ZNF107: variants seen among roughly 807,000 people sequenced by gnomAD.
The protein encoded by ZNF107 is zinc finger protein 107.
A neutral mutation model predicts 12.3 loss-of-function variants in ZNF107; 19 were observed. That is an observed-to-expected ratio of 1.55 (90% CI 1.08 to 2.27). The LOEUF (loss-of-function observed/expected upper bound fraction) is 2.27. Ranked by LOEUF, ZNF107 falls within the 30% of genes most tolerant of loss-of-function variation. The pLI is 0.00. For missense variants in ZNF107, 958 were observed against 979.9 expected (o/e 0.98, Z 0.30); for synonymous variants, 317 against 330.5 (o/e 0.96, Z 0.44).
chr7:64,703,878 T>G (rs1317755278), intron 3 of ZNF107, among the ~76,000 whole-genome samples: 3 of 152,132 alleles, frequency 2.0e-5, no homozygotes, highest in African/African-American at 7.2e-5. Flanking sequence ...TCTTTCTTCC[T>G]TTGTGTCTTT....
Position 64,708,305 on chromosome 7 carries a change from A to G in ZNF107, c.2208A>G (p.Lys736=). The change falls in exon 4 of 4, where the codon AAA becomes AAG. Residue 736 remains lysine (K), a synonymous_variant. Coordinates refer to ENST00000620827, the MANE Select transcript of ZNF107 (RefSeq NM_001282359.2). ...IHTGEKPYKC[K]ECGKAFNLSS... ...CTGGAGAGAAACCTTACAAATGTAA[A>G]GAATGTGGCAAAGCTTTTAACCTAT... 1 of 1,613,598 alleles carries G rather than the reference A, an allele frequency of 6.2e-7. No individual in the cohort carries two copies. Among genetic ancestry groups the G allele is most frequent in the South Asian group, 1.1e-5 (1 of 91,052 alleles).
At chr7:64,678,093 T>C (rs549964208) in intron 1 of ZNF107, among the ~76,000 whole-genome samples, 30 of 152,346 alleles carry the variant, frequency 2.0e-4, no homozygotes, top group African/African-American at 6.5e-4. Flanking sequence ...TTTTGGTCAT[T>C]GTTCTTGATT....
chr7:64,678,384 CAG>C (rs1789509792), intron 1 of ZNF107, among the ~76,000 whole-genome samples: 1 of 152,184 alleles, frequency 6.6e-6, no homozygotes, highest in South Asian at 2.1e-4. Context: ...AAGCGAGGTT[CAG>C]TGTATGAACC....
intron 3 of ZNF107, among the ~76,000 whole-genome samples, chr7:64,696,814 TA>T (rs1263890790): frequency 3.3e-5 from 5 of 152,128 alleles, no homozygotes; most frequent in Non-Finnish European, 7.3e-5. Context: ...TTTATTTATT[TA>T]TTTATTTTTT....
In ZNF107 at chr7:64,709,074, A is replaced by T; in HGVS notation, c.*418A>T. The stretch of plus-strand genomic sequence containing the variant: ...TTGTGAAGAATGTGGCAAAGCTTTT[A>T]ACCAATCCTCATACCTTACTATACA... On this transcript the variant is annotated 3_prime_UTR_variant, in exon 4 of 4. Transcript: ENST00000620827. The T allele has an allele frequency of 2.2e-6, 1 of 463,842 alleles. No individual in the cohort carries two copies. 28.7% of individuals were successfully genotyped at this position (463,842 alleles called of 1,614,324 possible). A position where few individuals can be genotyped will look rare whatever the true frequency, so the allele number is the denominator to read the frequency against.
chr7:64,670,917 G>C (rs1173943380), intron 1 of ZNF107, among the ~76,000 whole-genome samples: 1 of 152,172 alleles, frequency 6.6e-6, no homozygotes, highest in Non-Finnish European at 1.5e-5. Flanking sequence ...AGCACTGATA[G>C]GCCCGTATGG....
In ZNF107 at chr7:64,693,434, A is replaced by C. The variant is rs145623430; in HGVS notation, c.226+1474A>C. ...GTGTCTGTGAATTTGAAAGAGCAAA[A>C]ACCTCTTTAAGTTTTTATAAACTAA... is the stretch of plus-strand genomic sequence containing the variant. On this transcript the variant is annotated intron_variant, in intron 3 of 3. Coordinates refer to ENST00000620827, the MANE Select transcript of ZNF107 (RefSeq NM_001282359.2). Among the ~76,000 whole-genome samples, 10 of 151,840 alleles carry C rather than the reference A, an allele frequency of 6.6e-5. No individual in the cohort carries two copies. In the East Asian group the frequency reaches 1.4e-3, roughly 21 times the overall value.
chr7:64,685,376 G>A (rs1239214037), intron 1 of ZNF107, among the ~76,000 whole-genome samples: 2 of 152,042 alleles, frequency 1.3e-5, no homozygotes, highest in Non-Finnish European at 2.9e-5. Context: ...CAGCCTGTCC[G>A]CTTCTCAAAG....
intron 3 of ZNF107, among the ~76,000 whole-genome samples, chr7:64,693,109 C>T (rs1428601354): frequency 6.6e-6 from 1 of 151,598 alleles, no homozygotes; most frequent in Non-Finnish European, 1.5e-5. Context: ...CACCATTCTC[C>T]TGCCTCAGCC....
At chr7:64,697,937 C>T (rs1790349583) in intron 3 of ZNF107, among the ~76,000 whole-genome samples, 1 of 152,136 alleles carries the variant, frequency 6.6e-6, no homozygotes, top group Non-Finnish European at 1.5e-5. Flanking sequence ...ACCTCGGCCT[C>T]CCAAAGTGCT....
intron 1 of ZNF107, among the ~76,000 whole-genome samples, chr7:64,672,772 A>G (rs573973340): frequency 1.3e-5 from 2 of 152,326 alleles, no homozygotes; most frequent in East Asian, 3.9e-4. Flanking sequence ...TGTCTCTGTG[A>G]TAGAATAATT....
intron 3 of ZNF107, among the ~76,000 whole-genome samples, chr7:64,695,910 T>C (rs1053084794): frequency 5.9e-5 from 9 of 152,192 alleles, no homozygotes; most frequent in African/African-American, 2.2e-4. Context: ...ACATAAAATA[T>C]ACAGTTTTAA....
chr7:64,702,224 C>T (rs561881756), intron 3 of ZNF107, among the ~76,000 whole-genome samples: 43 of 152,050 alleles, frequency 2.8e-4, no homozygotes, highest in Admixed American at 1.2e-3. Flanking sequence ...TCTCGGCTCA[C>T]TGCAACCTCC....
chr7:64,672,838 T>C (rs1399022589), intron 1 of ZNF107, among the ~76,000 whole-genome samples: 1 of 152,224 alleles, frequency 6.6e-6, no homozygotes, highest in African/African-American at 2.4e-5. Flanking sequence ...ATGGTAATTC[T>C]GTTTCTAGTT....
chr7:64,694,194 C>T (rs1427995449), intron 3 of ZNF107, among the ~76,000 whole-genome samples: 2 of 152,222 alleles, frequency 1.3e-5, no homozygotes, highest in Non-Finnish European at 2.9e-5. Flanking sequence ...CCAAGGTCTG[C>T]AGGCCTGCCT....
chr7:64,685,857 C>T (rs1408102642), intron 1 of ZNF107, among the ~76,000 whole-genome samples: 6 of 152,160 alleles, frequency 3.9e-5, no homozygotes, highest in Non-Finnish European at 7.3e-5. Context: ...GAAACCAAAC[C>T]TTACCAGTCC....
Position 64,691,312 on chromosome 7 carries a change from C to T in ZNF107, c.68C>T (p.Thr23Ile). 1 of 1,551,484 alleles carries T rather than the reference C, an allele frequency of 6.4e-7. No individual in the cohort carries two copies. The highest frequency in any genetic ancestry group is 1.2e-5 in the South Asian group (1 of 82,738). ...CTGGAGGAGTGGCAATGCCTGGATA[C>T]TGCACAGCGGGATTTATATAGGAAT... is the stretch of plus-strand genomic sequence containing the variant. ...FSLEEWQCLD[T>I]AQRDLYRNVL... The change falls in exon 2 of 4, where the codon ACT becomes ATT. Residue 23 changes from threonine (T) to isoleucine (I), a missense_variant. Coordinates refer to ENST00000620827, the MANE Select transcript of ZNF107 (RefSeq NM_001282359.2).
At chr7:64,699,595 T>C (rs1790400752) in intron 3 of ZNF107, among the ~76,000 whole-genome samples, 1 of 152,152 alleles carries the variant, frequency 6.6e-6, no homozygotes, top group East Asian at 1.9e-4. Flanking sequence ...CATGTCTGGA[T>C]AATATTTTTA....
chr7:64,677,708 T>C (rs6949631), intron 1 of ZNF107, among the ~76,000 whole-genome samples: 138,746 of 151,464 alleles, frequency 0.92, 63,599 homozygotes, highest in East Asian at 0.94. Context: ...AAAAATTAGA[T>C]GGGCGTGGTA....
Sources: allele counts gnomAD v4.1 joint callset (sites outside exome capture counted in the v4.1 genomes callset), GRCh38; gene constraint gnomAD v4.1.1; transcripts MANE v1.5; gene names NCBI Gene and HGNC (gene_info 2026-07-23, HGNC 2026-07-21).